SPATS2L: variants seen among roughly 807,000 people sequenced by gnomAD.
The protein encoded by SPATS2L is spermatogenesis associated serine rich 2 like, also known as SPATS2-like protein.
Under a neutral mutation model 59.6 loss-of-function variants are expected in SPATS2L, and 30 were observed. That is an observed-to-expected ratio of 0.50 (90% CI 0.38 to 0.68). The LOEUF is 0.68. SPATS2L is among the 30% of genes least tolerant of loss of function. The probability of loss-of-function intolerance (pLI) is 0.00; values close to 1 mark genes in which losing one functional copy is unlikely to be tolerated. For synonymous variants in SPATS2L, 252 were observed against 263.5 expected, an observed-to-expected ratio of 0.96 and a Z score of 0.42; for missense variants, 615 against 700.0, an observed-to-expected ratio of 0.88 and a Z score of 1.37.
intron 2 of SPATS2L, among the ~76,000 whole-genome samples, chr2:200,334,759 T>C (rs1277482443): frequency 6.6e-6 from 1 of 152,190 alleles, no homozygotes; most frequent in Non-Finnish European, 1.5e-5. Context: ...GCACCATTTA[T>C]TAAATAGGGA....
Position 200,419,476 on chromosome 2 carries a change from A to C in SPATS2L, c.425A>C (p.Lys142Thr), listed in dbSNP as rs1480328638. 4 of 1,613,810 alleles carry C rather than the reference A, an allele frequency of 2.5e-6. No individual in the cohort carries two copies. The highest frequency in any genetic ancestry group is 1.3e-5 in the African/African-American group (1 of 74,934). The change falls in exon 6 of 13, where the codon AAG becomes ACG. Residue 142 changes from lysine (K) to threonine (T), a missense_variant. Coordinates refer to ENST00000409140, the MANE Select transcript of SPATS2L (RefSeq NM_001100423.2). ...ATCTCGATACTTGAGGAACCTTCAAAGGCACTTCGTGGGGTCACAGGTCAG... is the reference window on the plus strand; with the variant it reads ...ATCTCGATACTTGAGGAACCTTCAACGGCACTTCGTGGGGTCACAGGTCAG... Reference protein sequence around the residue: ...KKISILEEPSKALRGVTEGNR... With the variant: ...KKISILEEPSTALRGVTEGNR...
intron 3 of SPATS2L, among the ~76,000 whole-genome samples, chr2:200,405,022 C>T (rs955621681): frequency 6.6e-6 from 1 of 152,156 alleles, no homozygotes; most frequent in African/African-American, 2.4e-5. Context: ...TTAGCAACCT[C>T]AATTCCATCT....
At chr2:200,430,449 G>C (rs1036671435) in intron 6 of SPATS2L, among the ~76,000 whole-genome samples, 2 of 151,602 alleles carry the variant, frequency 1.3e-5, no homozygotes, top group African/African-American at 4.8e-5. Flanking sequence ...AAAAAAAAAG[G>C]AAACAATCCT....
At chr2:200,347,602 C>T (rs986088941) in intron 2 of SPATS2L, among the ~76,000 whole-genome samples, 13 of 152,158 alleles carry the variant, frequency 8.5e-5, no homozygotes, top group Non-Finnish European at 1.5e-4. Context: ...CCGATGGATC[C>T]ATCCTGGTCA....
intron 3 of SPATS2L, among the ~76,000 whole-genome samples, chr2:200,391,590 G>A (rs764584881): frequency 8.5e-5 from 13 of 152,206 alleles, no homozygotes; most frequent in East Asian, 1.9e-4. Flanking sequence ...CTGTTGGAAG[G>A]TTTTAAGCTG....
At chr2:200,394,793 G>A (rs1365792204) in intron 3 of SPATS2L, among the ~76,000 whole-genome samples, 1 of 152,116 alleles carries the variant, frequency 6.6e-6, no homozygotes, top group African/African-American at 2.4e-5. Flanking sequence ...GGTTACTTAC[G>A]TTGACCACCT....
intron 1 of SPATS2L, among the ~76,000 whole-genome samples, chr2:200,317,773 G>A (rs1396239429): frequency 6.6e-6 from 1 of 152,172 alleles, no homozygotes; most frequent in South Asian, 2.1e-4. Context: ...ATAGTCAGGT[G>A]CACTGCCATC....
intron 3 of SPATS2L, among the ~76,000 whole-genome samples, chr2:200,401,829 T>C (rs2082538991): frequency 6.6e-6 from 1 of 152,208 alleles, no homozygotes; most frequent in Non-Finnish European, 1.5e-5. Flanking sequence ...AGTTTGATGC[T>C]GATGGTGCCA....
At chr2:200,402,990 A>G (rs1316403364) in intron 3 of SPATS2L, among the ~76,000 whole-genome samples, 1 of 152,230 alleles carries the variant, frequency 6.6e-6, no homozygotes, top group East Asian at 1.9e-4. Flanking sequence ...ACATATTGAA[A>G]TTTAAGAAAG....
chr2:200,354,335 G>A (rs931181957), intron 2 of SPATS2L, among the ~76,000 whole-genome samples: 9 of 152,266 alleles, frequency 5.9e-5, no homozygotes, highest in Middle Eastern at 3.4e-3. Flanking sequence ...CAGGTCGGGC[G>A]CGATGGCTCA....
chr2:200,332,203 G>A (rs896014176), intron 2 of SPATS2L, among the ~76,000 whole-genome samples: 1 of 151,874 alleles, frequency 6.6e-6, no homozygotes, highest in Non-Finnish European at 1.5e-5. Flanking sequence ...GAAAGAGAGA[G>A]ATTTGGAAGA....
At chr2:200,417,138 A>G (rs1484963880) in intron 5 of SPATS2L, among the ~76,000 whole-genome samples, 1 of 152,194 alleles carries the variant, frequency 6.6e-6, no homozygotes, top group East Asian at 1.9e-4. Flanking sequence ...CATTCCTGCT[A>G]TGACACAGCA....
rs1414428542 is a variant in SPATS2L, at chr2:200,376,691, G to A, written c.-22-12532G>A. 8.5e-5 allele frequency among the ~76,000 whole-genome samples: 13 copies of A among 152,374 alleles called. No individual in the cohort carries two copies. The East Asian group carries it at 2.3e-3, about 27-fold the overall frequency. On this transcript the variant is annotated intron_variant, in intron 2 of 12. Transcript: ENST00000409140. ...ATCCATTCTATGCAGAAGTGGTATTGTAGTAATGGATTTGCTTCTGCCAGT... is the reference window on the plus strand; with the variant it reads ...ATCCATTCTATGCAGAAGTGGTATTATAGTAATGGATTTGCTTCTGCCAGT...
intron 4 of SPATS2L, among the ~76,000 whole-genome samples, chr2:200,412,844 G>T (rs545592481): frequency 6.6e-6 from 1 of 152,034 alleles, no homozygotes; most frequent in African/African-American, 2.4e-5. Flanking sequence ...TTGAGGCCAG[G>T]AGTTCGAGAC....
At chr2:200,373,535 T>C (rs1289550587) in intron 2 of SPATS2L, among the ~76,000 whole-genome samples, 3 of 152,234 alleles carry the variant, frequency 2.0e-5, no homozygotes, top group Non-Finnish European at 4.4e-5. Flanking sequence ...AAGAGAAGCA[T>C]TTAGTAAAAC....
At chr2:200,349,203 C>T (rs766811130) in intron 2 of SPATS2L, among the ~76,000 whole-genome samples, 7 of 152,200 alleles carry the variant, frequency 4.6e-5, no homozygotes, top group Non-Finnish European at 1.0e-4. Context: ...ACCAGCATTC[C>T]GTCTGTCACT....
chr2:200,475,855 G>T (rs1035285956), intron 12 of SPATS2L, among the ~76,000 whole-genome samples: 9 of 152,126 alleles, frequency 5.9e-5, no homozygotes, highest in African/African-American at 1.9e-4. Flanking sequence ...TTCAAAAAAG[G>T]TTTATGTTTA....
rs191033016 is a variant in SPATS2L, at chr2:200,386,205, C to A, written c.-22-3018C>A. Among the ~76,000 whole-genome samples, 451 of 151,948 alleles carry A rather than the reference C, an allele frequency of 3.0e-3. 2 individuals are homozygous for A. Among genetic ancestry groups the A allele is most frequent in the African/African-American group, 0.01 (415 of 41,308 alleles). The stretch of plus-strand genomic sequence containing the variant: ...AGCCTTCCAGAGCCTGTAGAGGCAG[C>A]CTTCCACCTGGGAAAAATAATTGAG... On this transcript the variant is annotated intron_variant, in intron 2 of 12. Coordinates refer to ENST00000409140, the MANE Select transcript of SPATS2L (RefSeq NM_001100423.2).
In SPATS2L at chr2:200,377,734, C is replaced by A. The variant is rs2081648308; in HGVS notation, c.-22-11489C>A. On this transcript the variant is annotated intron_variant, in intron 2 of 12. Coordinates refer to ENST00000409140, the MANE Select transcript of SPATS2L (RefSeq NM_001100423.2). ...CACATGCCCCTTAATAAAATGTATA[C>A]CCCTAGACATGGTTTTTACATTTTC... 3.9e-5 allele frequency among the ~76,000 whole-genome samples: 6 copies of A among 152,292 alleles called. No individual in the cohort carries two copies. In the South Asian group the frequency reaches 1.2e-3, roughly 32 times the overall value.
Sources: gnomAD v4.1 joint callset for allele counts (sites outside exome capture counted in the v4.1 genomes callset) on GRCh38, gnomAD v4.1.1 for gene constraint, MANE v1.5 for transcripts, NCBI Gene and HGNC (gene_info 2026-07-23, HGNC 2026-07-21) for gene names.